Variants in RTN4 observed in about 807,000 individuals in gnomAD.
RTN4 encodes the protein reticulon-4.
RTN4 carries 32 observed loss-of-function variants against 90.4 expected under a neutral mutation model. The ratio of observed to expected loss-of-function variants is 0.35; its 90% CI spans 0.27 to 0.48. The LOEUF is 0.48. Among genes scored for constraint, RTN4 ranks in the 20% least tolerant of loss-of-function variants. The pLI is 0.99. For missense variants in RTN4, 1,706 were observed against 1,430.2 expected, an observed-to-expected ratio of 1.19 and a Z score of -3.11; for synonymous variants, 629 against 552.5, an observed-to-expected ratio of 1.14 and a Z score of -1.94.
At chr2:55,120,147 A>G in the RTN4 span, among the ~76,000 whole-genome samples, 1 of 152,190 alleles carries the variant, frequency 6.6e-6, no homozygotes, top group Admixed American at 6.5e-5. Flanking sequence ...GGCAGAACCT[A>G]AGGAGGGGCT....
At chr2:55,011,902 A>C (rs988891377) in intron 3 of RTN4, among the ~76,000 whole-genome samples, 1 of 152,112 alleles carries the variant, frequency 6.6e-6, no homozygotes, top group Non-Finnish European at 1.5e-5. Context: ...TATTCACTGA[A>C]CCCCTGCATA....
At chr2:55,042,354 G>A (rs1683134910) in intron 1 of RTN4, among the ~76,000 whole-genome samples, 1 of 152,062 alleles carries the variant, frequency 6.6e-6, no homozygotes, top group African/African-American at 2.4e-5. Flanking sequence ...CACAGAAATA[G>A]TATTTGTAAG....
At chr2:55,091,115 T>G (rs1668927188) in intron 1 of RTN4, among the ~76,000 whole-genome samples, 1 of 152,228 alleles carries the variant, frequency 6.6e-6, no homozygotes, top group South Asian at 2.1e-4. Context: ...TGGCCACCAG[T>G]GGCCTTTTCA....
intron 1 of RTN4, among the ~76,000 whole-genome samples, chr2:55,095,256 G>T (rs1282844585): frequency 1.3e-5 from 2 of 151,820 alleles, no homozygotes; most frequent in African/African-American, 4.8e-5. Context: ...CCTGGCAGGC[G>T]GAAATTGCAG....
At chr2:55,065,851 G>A (rs969899170) in intron 2 of RTN4, among the ~76,000 whole-genome samples, 3 of 152,188 alleles carry the variant, frequency 2.0e-5, no homozygotes, top group Non-Finnish European at 2.9e-5. Context: ...GGCTTGATAG[G>A]GCCTTGTGGG....
At chr2:55,085,574 A>C (rs1035290273) in intron 1 of RTN4, among the ~76,000 whole-genome samples, 1 of 152,216 alleles carries the variant, frequency 6.6e-6, no homozygotes, top group Non-Finnish European at 1.5e-5. Context: ...CAAAGCTGAC[A>C]ATTTAGATGC....
At chr2:55,114,614 G>A (rs1226544357), upstream of RTN4, among the ~76,000 whole-genome samples, 1 of 152,140 alleles carries the variant, frequency 6.6e-6, no homozygotes, top group East Asian at 1.9e-4. Flanking sequence ...CAGGAGAATT[G>A]CTTGAACCCA....
intron 1 of RTN4, among the ~76,000 whole-genome samples, chr2:55,091,211 C>G (rs148724778): frequency 3.0e-4 from 45 of 152,254 alleles, no homozygotes; most frequent in African/African-American, 9.9e-4. Context: ...TTCATGGCTT[C>G]CCATTGCAAT....
chr2:55,070,335 G>A (rs1466427236), intron 2 of RTN4, among the ~76,000 whole-genome samples: 2 of 151,982 alleles, frequency 1.3e-5, no homozygotes, highest in Non-Finnish European at 2.9e-5. Flanking sequence ...AAGGCAGAAG[G>A]ATCCCGTGAG....
chr2:55,026,947 A>G lies in RTN4; in HGVS notation c.1152T>C (p.Tyr384=), dbSNP rs2104870931. 6.2e-7 allele frequency: 1 copy of G among 1,613,430 alleles called. No individual in the cohort carries two copies. The highest frequency in any genetic ancestry group is 2.2e-5 in the East Asian group (1 of 44,884). The change falls in exon 3 of 9, where the codon TAT becomes TAC. Residue 384 remains tyrosine (Y), a synonymous_variant. Coordinates refer to ENST00000337526, the MANE Select transcript of RTN4 (RefSeq NM_020532.5). ...VAVEAPMREE[Y]ADFKPFERVW... is the part of the protein sequence containing the mutation. Reference sequence around the variant, plus strand: ...CTCGCTCAAATGGTTTGAAGTCTGCATATTCCTCCCTCATAGGAGCTTCCA... The same window carrying G: ...CTCGCTCAAATGGTTTGAAGTCTGCGTATTCCTCCCTCATAGGAGCTTCCA...
chr2:55,092,641 C>A (rs770772122), intron 1 of RTN4, among the ~76,000 whole-genome samples: 1 of 152,230 alleles, frequency 6.6e-6, no homozygotes, highest in Non-Finnish European at 1.5e-5. Flanking sequence ...TTGTTTCCTG[C>A]TTGCCCTCTG....
At chr2:55,119,941 G>C in the RTN4 span, among the ~76,000 whole-genome samples, 3 of 152,304 alleles carry the variant, frequency 2.0e-5, no homozygotes, top group East Asian at 5.8e-4. Context: ...GATGCAGGAG[G>C]GTGAAGATGG....
upstream of RTN4, among the ~76,000 whole-genome samples, chr2:55,052,398 C>T (rs1266850359): frequency 3.3e-5 from 5 of 152,024 alleles, no homozygotes; most frequent in Non-Finnish European, 5.9e-5. Flanking sequence ...GTTTATGAAC[C>T]TTTAAAAAAG....
chr2:55,113,506 G>T (rs190261529), upstream of RTN4, among the ~76,000 whole-genome samples: 1 of 152,316 alleles, frequency 6.6e-6, no homozygotes, highest in Admixed American at 6.5e-5. Context: ...GGGTAAAAGA[G>T]ACAAGGGTGG....
intron 3 of RTN4, among the ~76,000 whole-genome samples, chr2:54,991,340 C>G (rs913812668): frequency 1.3e-5 from 2 of 152,136 alleles, no homozygotes; most frequent in African/African-American, 4.8e-5. Flanking sequence ...AACAGAGTTA[C>G]TGTTTAAACA....
At chr2:55,022,163 A>G (rs1681489356) in intron 3 of RTN4, among the ~76,000 whole-genome samples, 1 of 152,186 alleles carries the variant, frequency 6.6e-6, no homozygotes, top group Non-Finnish European at 1.5e-5. Context: ...ACCATCTACT[A>G]GAGGACTGCT....
chr2:55,027,159 C>G lies in RTN4; in HGVS notation c.940G>C (p.Val314Leu). 6.2e-7 allele frequency: 1 copy of G among 1,613,588 alleles called. No homozygotes were observed. The highest frequency in any genetic ancestry group is 8.5e-7 in the Non-Finnish European group (1 of 1,179,798). Reference sequence around the variant, plus strand: ...TCTTCCCTAGGATTTGCTACTATTACGGCAGATTCTGCTTTTGGAGAGACA... The same window carrying G: ...TCTTCCCTAGGATTTGCTACTATTAGGGCAGATTCTGCTTTTGGAGAGACA... ...FSVSPKAESA[V>L]IVANPREEII... The change falls in exon 3 of 9, where the codon GTA (valine) becomes CTA (leucine). Residue 314 changes from valine (V) to leucine (L), a missense_variant. Coordinates refer to ENST00000337526, the MANE Select transcript of RTN4 (RefSeq NM_020532.5).
At chr2:55,116,873 T>TC (rs1335942345), upstream of RTN4, among the ~76,000 whole-genome samples, 45 of 114,264 alleles carry the variant, frequency 3.9e-4, no homozygotes, top group Middle Eastern at 0.017. Flanking sequence ...TTTCTTTTTT[T>TC]CCTTTTTTTT....
upstream of RTN4, among the ~76,000 whole-genome samples, chr2:55,114,171 T>A (rs1668083307): frequency 6.6e-6 from 1 of 152,234 alleles, no homozygotes; most frequent in Admixed American, 6.5e-5. Context: ...TAGTCTATAA[T>A]AAGACAGGCA....
Sources: allele counts gnomAD v4.1 joint callset (sites outside exome capture counted in the v4.1 genomes callset), GRCh38; gene constraint gnomAD v4.1.1; transcripts MANE v1.5; gene names NCBI Gene and HGNC (gene_info 2026-07-23, HGNC 2026-07-21).